TDRD3: variants seen among roughly 807,000 people sequenced by gnomAD.
TDRD3 encodes the protein tudor domain-containing protein 3.
In TDRD3, 45 loss-of-function variants were observed where a neutral mutation model predicts 86.7. That is an observed-to-expected ratio of 0.52 (90% CI 0.41 to 0.67). The LOEUF (loss-of-function observed/expected upper bound fraction) is 0.67, where lower values mean the gene tolerates loss of function less well. Ranked by LOEUF, TDRD3 falls within the 30% of genes least tolerant of loss-of-function variation. The pLI is 0.00. For missense variants in TDRD3, 814 were observed against 889.0 expected (o/e 0.92, Z 1.07); for synonymous variants, 298 against 301.7 (o/e 0.99, Z 0.13).
intron 12 of TDRD3, among the ~76,000 whole-genome samples, chr13:60,567,067 T>G (rs1020598540): frequency 6.6e-6 from 1 of 152,228 alleles, no homozygotes; most frequent in African/African-American, 2.4e-5. Context: ...TGAACATTCT[T>G]TGGCTCTTCA....
At chr13:60,473,630 A>G (rs1956117082) in intron 5 of TDRD3, among the ~76,000 whole-genome samples, 1 of 152,236 alleles carries the variant, frequency 6.6e-6, no homozygotes, top group Admixed American at 6.5e-5. Context: ...TTCCAATATT[A>G]TAATAATTTT....
intron 1 of TDRD3, among the ~76,000 whole-genome samples, chr13:60,398,984 C>G (rs181910253): frequency 6.6e-6 from 1 of 152,158 alleles, no homozygotes; most frequent in South Asian, 2.1e-4. Context: ...CATTTACAAA[C>G]TCAGTATTTT....
At chr13:60,529,753 T>A (rs1413750395) in intron 11 of TDRD3, among the ~76,000 whole-genome samples, 1 of 152,088 alleles carries the variant, frequency 6.6e-6, no homozygotes, top group Non-Finnish European at 1.5e-5. Context: ...GTAAAAATTA[T>A]TAAACCAATT....
chr13:60,549,354 A>T (rs564525677), intron 12 of TDRD3, among the ~76,000 whole-genome samples: 94 of 152,204 alleles, frequency 6.2e-4, no homozygotes, highest in African/African-American at 2.2e-3. Flanking sequence ...GCCATTTGAA[A>T]ATCTGTGTCA....
At chr13:60,492,212 C>T (rs935129438) in intron 7 of TDRD3, among the ~76,000 whole-genome samples, 5 of 152,172 alleles carry the variant, frequency 3.3e-5, no homozygotes, top group Admixed American at 6.5e-5. Flanking sequence ...GGGACTATTT[C>T]ACTGGCACCA....
At chr13:60,503,401 G>C (rs1956874896) in intron 8 of TDRD3, among the ~76,000 whole-genome samples, 2 of 152,202 alleles carry the variant, frequency 1.3e-5, no homozygotes. Flanking sequence ...TTAGTTATCT[G>C]TGGTTTACAA....
chr13:60,422,177 C>T (rs1320104808), intron 1 of TDRD3, among the ~76,000 whole-genome samples: 3 of 151,906 alleles, frequency 2.0e-5, no homozygotes, highest in Non-Finnish European at 2.9e-5. Context: ...GGAGGGAAGG[C>T]GTTTCCTTTG....
At chr13:60,423,782 G>T (rs553479632) in intron 1 of TDRD3, among the ~76,000 whole-genome samples, 1 of 152,130 alleles carries the variant, frequency 6.6e-6, no homozygotes, top group East Asian at 1.9e-4. Context: ...AATTTATGTG[G>T]TATATTTAAA....
chr13:60,512,442 G>A (rs147170733), intron 10 of TDRD3, among the ~76,000 whole-genome samples: 47 of 152,074 alleles, frequency 3.1e-4, no homozygotes, highest in Admixed American at 1.6e-3. Flanking sequence ...GCAACAGTCC[G>A]CCAAAGTCTT....
At chr13:60,544,577 A>G (rs373450881) in intron 12 of TDRD3, among the ~76,000 whole-genome samples, 2 of 152,304 alleles carry the variant, frequency 1.3e-5, no homozygotes, top group South Asian at 2.1e-4. Flanking sequence ...CTTTGTGTCA[A>G]CATTTATATT....
intron 8 of TDRD3, among the ~76,000 whole-genome samples, chr13:60,500,115 C>G (rs972093009): frequency 1.3e-5 from 2 of 152,200 alleles, no homozygotes; most frequent in African/African-American, 4.8e-5. Flanking sequence ...TGGATAACTG[C>G]TCTTTTTTTG....
At chr13:60,523,157 A>G (rs939565790) in intron 10 of TDRD3, among the ~76,000 whole-genome samples, 2 of 152,202 alleles carry the variant, frequency 1.3e-5, no homozygotes, top group African/African-American at 2.4e-5. Flanking sequence ...AGGTAGGTGT[A>G]TCAGAATAAA....
upstream of TDRD3, among the ~76,000 whole-genome samples, chr13:60,396,018 G>A (rs1377899353): frequency 6.6e-6 from 1 of 152,138 alleles, no homozygotes; most frequent in Non-Finnish European, 1.5e-5. Flanking sequence ...CAGCTGAAAT[G>A]AGAAAAATCT....
At position 60,405,586 on chromosome 13, in the gene TDRD3, G is replaced by A. The variant is rs570330964; in HGVS notation, c.41+8181G>A. ...GCACAGCATCTGCAAAAGTCATAGG[G>A]CACTAGGGAGCATGGTGAATACAAA... On this transcript the variant is annotated intron_variant, in intron 1 of 13. Coordinates refer to ENST00000377881, the MANE Select transcript of TDRD3 (RefSeq NM_001146070.2). Among the ~76,000 whole-genome samples, 5 of 152,246 alleles carry A rather than the reference G, an allele frequency of 3.3e-5. No individual in the cohort carries two copies. The South Asian group carries it at 1.0e-3, about 32-fold the overall frequency.
intron 8 of TDRD3, among the ~76,000 whole-genome samples, chr13:60,506,588 C>G (rs1454065616): frequency 5.3e-5 from 8 of 152,096 alleles, no homozygotes; most frequent in Non-Finnish European, 8.8e-5. Flanking sequence ...GAAAGCCCAT[C>G]TCTACTAAAA....
At chr13:60,563,575 A>T (rs1958386433) in intron 12 of TDRD3, among the ~76,000 whole-genome samples, 1 of 152,296 alleles carries the variant, frequency 6.6e-6, no homozygotes, top group Admixed American at 6.5e-5. Flanking sequence ...GATATTTAGC[A>T]GCATCCTTGG....
chr13:60,472,347 T>C (rs985140764), intron 5 of TDRD3, among the ~76,000 whole-genome samples: 6 of 152,328 alleles, frequency 3.9e-5, no homozygotes, highest in Non-Finnish European at 8.8e-5. Flanking sequence ...AAATTTACCA[T>C]CTTAACCATC....
intron 12 of TDRD3, chr13:60,547,623 CCTT>C (rs1273447832): frequency 6.3e-6 from 1 of 157,960 alleles, no homozygotes; most frequent in African/African-American, 2.4e-5. Context: ...ATAGGCTTAG[CCTT>C]CTTCTCCCCT....
At chr13:60,532,823 C>G (rs189632982) in intron 11 of TDRD3, among the ~76,000 whole-genome samples, 49 of 152,266 alleles carry the variant, frequency 3.2e-4, no homozygotes, top group Middle Eastern at 6.8e-3. Flanking sequence ...AATTTGTCCT[C>G]AGTATTGCCA....
Sources: allele counts gnomAD v4.1 joint callset (sites outside exome capture counted in the v4.1 genomes callset), GRCh38; gene constraint gnomAD v4.1.1; transcripts MANE v1.5; gene names NCBI Gene and HGNC (gene_info 2026-07-23, HGNC 2026-07-21).